Variants in SLC35F1 observed in about 807,000 individuals in gnomAD.
SLC35F1 encodes chromosome 6 open reading frame 169.
A neutral mutation model predicts 48.7 loss-of-function variants in SLC35F1; 14 were observed. The ratio of observed to expected loss-of-function variants is 0.29; its 90% CI spans 0.19 to 0.45. SLC35F1 has a LOEUF of 0.45. Ranked by LOEUF, SLC35F1 falls within the 20% of genes least tolerant of loss-of-function variation. The pLI is 1.00. For missense variants in SLC35F1, 404 were observed against 500.0 expected (o/e 0.81, Z 1.83); for synonymous variants, 190 against 202.2 (o/e 0.94, Z 0.51).
chr6:118,280,802 C>T (rs569098934), intron 6 of SLC35F1, among the ~76,000 whole-genome samples: 25 of 151,126 alleles, frequency 1.7e-4, no homozygotes, highest in Middle Eastern at 6.8e-3. Flanking sequence ...ACCCAGGAGG[C>T]GGAGGTTGCA....
Position 118,096,834 on chromosome 6 carries a change from C to G in SLC35F1, c.174-57611C>G, listed in dbSNP as rs1459298487. ...TTGTGGTTTCACTCCTACCCCAAAG[C>G]TGCTCTTTTTCCACTATGCCCCTAT... On this transcript the variant is annotated intron_variant, in intron 1 of 7. Transcript: ENST00000360388. Among the ~76,000 whole-genome samples the G allele has an allele frequency of 2.0e-5, 3 of 152,146 alleles. No homozygotes were observed. In the East Asian group the frequency reaches 5.8e-4, roughly 29 times the overall value.
intron 1 of SLC35F1, among the ~76,000 whole-genome samples, chr6:118,025,206 G>A (rs1582625388): frequency 6.6e-6 from 1 of 152,090 alleles, no homozygotes; most frequent in East Asian, 1.9e-4. Context: ...GGCCCCTCTT[G>A]GCTGTGACTT....
intron 2 of SLC35F1, among the ~76,000 whole-genome samples, chr6:118,209,873 T>C (rs1211191590): frequency 6.6e-6 from 1 of 152,200 alleles, no homozygotes; most frequent in Non-Finnish European, 1.5e-5. Context: ...GACTTTCCAA[T>C]ATTTCTCTTA....
At position 118,020,486 on chromosome 6, in the gene SLC35F1, T is replaced by C. The variant is rs143470541; in HGVS notation, c.173+112587T>C. Among the ~76,000 whole-genome samples the C allele has an allele frequency of 5.2e-3, 787 of 152,258 alleles. 5 individuals are homozygous for C. Among genetic ancestry groups the C allele is most frequent in the African/African-American group, 0.018 (751 of 41,526 alleles). ...TAGATTATCTGAATGGGATATGACATGGTGCCCACACTCAAAAAGTGTTTG... is the reference window on the plus strand; with the variant it reads ...TAGATTATCTGAATGGGATATGACACGGTGCCCACACTCAAAAAGTGTTTG... On this transcript the variant is annotated intron_variant, in intron 1 of 7. Transcript: ENST00000360388.
At chr6:117,953,338 A>C (rs185306968) in intron 1 of SLC35F1, among the ~76,000 whole-genome samples, 1 of 152,106 alleles carries the variant, frequency 6.6e-6, no homozygotes, top group African/African-American at 2.4e-5. Context: ...TGACAACCTT[A>C]TTATTTGCTT....
chr6:118,100,742 A>T (rs1257799053), intron 1 of SLC35F1, among the ~76,000 whole-genome samples: 2 of 152,232 alleles, frequency 1.3e-5, no homozygotes, highest in Middle Eastern at 3.4e-3. Context: ...GGCGTGCTGG[A>T]TTGAATCATT....
intron 1 of SLC35F1, among the ~76,000 whole-genome samples, chr6:118,046,033 A>G (rs1352292254): frequency 9.9e-5 from 15 of 152,194 alleles, no homozygotes; most frequent in African/African-American, 1.7e-4. Flanking sequence ...AAGTACACCA[A>G]TTACTTACAG....
intron 2 of SLC35F1, among the ~76,000 whole-genome samples, chr6:118,224,506 C>T (rs1387808468): frequency 1.3e-5 from 2 of 152,210 alleles, no homozygotes; most frequent in African/African-American, 4.8e-5. Context: ...TGCATCCTCC[C>T]ACCTGAGCCT....
chr6:118,236,513 G>A (rs984134900), intron 3 of SLC35F1, among the ~76,000 whole-genome samples: 1 of 152,240 alleles, frequency 6.6e-6, no homozygotes, highest in South Asian at 2.1e-4. Flanking sequence ...GACAAAAATG[G>A]AGAAACAAGC....
intron 1 of SLC35F1, among the ~76,000 whole-genome samples, chr6:118,127,044 T>A (rs1451356009): frequency 6.6e-6 from 1 of 151,202 alleles, no homozygotes; most frequent in African/African-American, 2.4e-5. Flanking sequence ...AGAGAGGGCA[T>A]CCCTGTCTTG....
In SLC35F1 at chr6:118,154,578, C is replaced by T. The variant is rs1774111782; in HGVS notation, c.307C>T (p.Leu103Phe). ...CTTCCAGAGTTTCCTCAATTACATT[C>T]TTCTCTTCTTGGTCTATACCACCAC... The part of the protein sequence containing the change: ...PVFQSFLNYI[L>F]LFLVYTTTLA... Residue 103 changes from leucine (L) to phenylalanine (F), a missense_variant, in exon 2 of 8, where the codon CTT becomes TTT. By Grantham distance (22) the Leu-to-Phe change is conservative. Around this residue, in one of 2 missense-constraint regions of SLC35F1, gnomAD observed 306 missense variants for 419.1 expected, o/e 0.73. Coordinates refer to ENST00000360388, the MANE Select transcript of SLC35F1 (RefSeq NM_001029858.4). The T allele has an allele frequency of 6.2e-7, 1 of 1,613,868 alleles. No homozygotes were observed. Among genetic ancestry groups the T allele is most frequent in the African/African-American group, 1.3e-5 (1 of 74,906 alleles).
At chr6:118,305,352 T>C (rs1199271338) in intron 7 of SLC35F1, among the ~76,000 whole-genome samples, 3 of 152,008 alleles carry the variant, frequency 2.0e-5, no homozygotes, top group Non-Finnish European at 4.4e-5. Context: ...CTGACTTAAA[T>C]GTCAATCTCA....
intron 1 of SLC35F1, among the ~76,000 whole-genome samples, chr6:117,995,573 T>A (rs1373639331): frequency 6.6e-6 from 1 of 152,078 alleles, no homozygotes; most frequent in South Asian, 2.1e-4. Flanking sequence ...AAACCCCGTC[T>A]CTACTAAAAA....
chr6:118,223,318 A>T (rs1329342910), intron 2 of SLC35F1, among the ~76,000 whole-genome samples: 28 of 152,230 alleles, frequency 1.8e-4, no homozygotes, highest in Admixed American at 1.8e-3. Flanking sequence ...TGTTAATAAC[A>T]AAGCTATCAT....
chr6:118,007,670 C>T lies in SLC35F1; in HGVS notation c.173+99771C>T, dbSNP rs916799360. 2.6e-5 allele frequency among the ~76,000 whole-genome samples: 4 copies of T among 152,236 alleles called. No individual in the cohort carries two copies. The South Asian group carries it at 8.3e-4, about 32-fold the overall frequency. Reference sequence around the variant, plus strand: ...TTATTAGAATTTTTTTGCTGTGTAACACATGACCACAAATTTGAAACAAAC... The same window carrying T: ...TTATTAGAATTTTTTTGCTGTGTAATACATGACCACAAATTTGAAACAAAC... On this transcript the variant is annotated intron_variant, in intron 1 of 7. Transcript: ENST00000360388.
At chr6:118,235,748 T>C (rs1775356512) in intron 3 of SLC35F1, 112 bp downstream of exon 3, 3 of 1,080,968 alleles carry the variant, frequency 2.8e-6, no homozygotes, top group East Asian at 5.1e-5. Flanking sequence ...TACTATACTA[T>C]AGTATACAGA....
chr6:118,105,574 C>T (rs572893722), intron 1 of SLC35F1, among the ~76,000 whole-genome samples: 24 of 152,336 alleles, frequency 1.6e-4, no homozygotes, highest in South Asian at 8.3e-4. Context: ...GATCTTTCTA[C>T]GCATTGCCCA....
intron 4 of SLC35F1, among the ~76,000 whole-genome samples, chr6:118,268,801 G>T (rs1159091887): frequency 6.6e-6 from 1 of 151,466 alleles, no homozygotes; most frequent in Non-Finnish European, 1.5e-5. Context: ...GTAGAAACGG[G>T]GTTTCATCAC....
At chr6:118,153,569 G>T (rs1486060382) in intron 1 of SLC35F1, among the ~76,000 whole-genome samples, 1 of 152,156 alleles carries the variant, frequency 6.6e-6, no homozygotes, top group Admixed American at 6.6e-5. Context: ...ATTTGCAGGG[G>T]CTTTTTCTGT....
Sources: gnomAD v4.1 joint callset for allele counts (sites outside exome capture counted in the v4.1 genomes callset) on GRCh38, gnomAD v4.1.1 for gene constraint, gnomAD v4.1.1 regional missense constraint, MANE v1.5 for transcripts, NCBI Gene and HGNC (gene_info 2026-07-23, HGNC 2026-07-21) for gene names.